The following ZRANB3 variants were observed in gnomAD, a reference collection of about 807,000 sequenced individuals.
ZRANB3 encodes DNA annealing helicase and endonuclease ZRANB3.
Under a neutral mutation model 133.8 loss-of-function variants are expected in ZRANB3, and 125 were observed. That is an observed-to-expected ratio of 0.93 (90% CI 0.81 to 1.08). The LOEUF (loss-of-function observed/expected upper bound fraction) is 1.08, where lower values mean the gene tolerates loss of function less well. ZRANB3 is among the 50% of genes least tolerant of loss of function. The pLI is 0.00. For synonymous variants in ZRANB3, 387 were observed against 432.7 expected (o/e 0.89, Z 1.31); for missense variants, 1,229 against 1,275.5 (o/e 0.96, Z 0.56).
chr2:135,512,948 A>G (rs187213209), intron 1 of ZRANB3, among the ~76,000 whole-genome samples: 1 of 152,298 alleles, frequency 6.6e-6, no homozygotes, highest in Non-Finnish European at 1.5e-5. Flanking sequence ...TGATTTCAAG[A>G]ATACAATAAA....
At chr2:135,395,118 T>C (rs1167057305) in intron 2 of ZRANB3, among the ~76,000 whole-genome samples, 1 of 152,076 alleles carries the variant, frequency 6.6e-6, no homozygotes. Flanking sequence ...ACAGAGCTAT[T>C]GTTACCAGCA....
At chr2:135,386,377 C>T (rs1169705421) in intron 3 of ZRANB3, among the ~76,000 whole-genome samples, 1 of 152,194 alleles carries the variant, frequency 6.6e-6, no homozygotes, top group Non-Finnish European at 1.5e-5. Context: ...AATAGGAATG[C>T]TTTAACACTG....
At chr2:135,419,772 T>A (rs553267866) in intron 2 of ZRANB3, among the ~76,000 whole-genome samples, 1 of 151,524 alleles carries the variant, frequency 6.6e-6, no homozygotes, top group African/African-American at 2.4e-5. Context: ...ATAGGCAGTG[T>A]ACCCAGAATA....
intron 2 of ZRANB3, among the ~76,000 whole-genome samples, chr2:135,475,584 C>T (rs1363156932): frequency 6.6e-6 from 1 of 152,248 alleles, no homozygotes; most frequent in Non-Finnish European, 1.5e-5. Context: ...TTGGCTAAAG[C>T]TCATGCTTCT....
intron 12 of ZRANB3, among the ~76,000 whole-genome samples, chr2:135,236,726 G>A (rs1558852321): frequency 6.6e-6 from 1 of 152,138 alleles, no homozygotes; most frequent in African/African-American, 2.4e-5. Flanking sequence ...TGGGAAAACT[G>A]GCTAGCCATA....
chr2:135,292,399 G>C (rs888906565), intron 8 of ZRANB3, among the ~76,000 whole-genome samples: 9 of 152,126 alleles, frequency 5.9e-5, no homozygotes, highest in African/African-American at 2.2e-4. Flanking sequence ...GTCTTCTTTT[G>C]AGAAGTGTCT....
intron 2 of ZRANB3, among the ~76,000 whole-genome samples, chr2:135,408,739 A>G (rs965046153): frequency 2.0e-5 from 3 of 151,698 alleles, no homozygotes; most frequent in South Asian, 2.1e-4. Context: ...AAAACTGAAC[A>G]CTGCATGTTC....
At position 135,369,844 on chromosome 2, in the gene ZRANB3, C is replaced by A. The variant is rs1040089193; in HGVS notation, c.181-16216G>T. 2.6e-5 allele frequency among the ~76,000 whole-genome samples: 4 copies of A among 152,054 alleles called. No homozygotes were observed. In the South Asian group the frequency reaches 8.3e-4, roughly 31 times the overall value. On this transcript the variant is annotated intron_variant, in intron 3 of 20. Coordinates refer to ENST00000264159, the MANE Select transcript of ZRANB3 (RefSeq NM_032143.4). Reference sequence around the variant, plus strand: ...CTTATTTCTTTTACAAGACCCACTTCCAATCTACCTCCTCCACAAACCCTT... The same window carrying A: ...CTTATTTCTTTTACAAGACCCACTTACAATCTACCTCCTCCACAAACCCTT...
At chr2:135,483,663 G>T (rs1391696664) in intron 2 of ZRANB3, among the ~76,000 whole-genome samples, 1 of 152,010 alleles carries the variant, frequency 6.6e-6, no homozygotes, top group Non-Finnish European at 1.5e-5. Flanking sequence ...GCTTTTGAAT[G>T]TGTTTGCTCT....
chr2:135,311,320 C>G (rs7572152), intron 8 of ZRANB3, among the ~76,000 whole-genome samples: 28,909 of 151,966 alleles, frequency 0.19, 3,682 homozygotes, highest in African/African-American at 0.34. Flanking sequence ...ACCTAGTGCT[C>G]ACAAAGATAT....
At chr2:135,460,690 G>A (rs1021284657) in intron 2 of ZRANB3, among the ~76,000 whole-genome samples, 1 of 152,122 alleles carries the variant, frequency 6.6e-6, no homozygotes, top group Non-Finnish European at 1.5e-5. Context: ...TTAGTTCCAT[G>A]AATCTTTAGT....
At chr2:135,268,853 T>C (rs1680372117) in intron 11 of ZRANB3, 109 bp downstream of exon 11, 2 of 1,016,972 alleles carry the variant, frequency 2.0e-6, no homozygotes, top group East Asian at 2.5e-5. Flanking sequence ...ATTATCTTGA[T>C]GTGCTTAAGT....
At chr2:135,412,812 T>C in intron 2 of ZRANB3, among the ~76,000 whole-genome samples, 1 of 152,132 alleles carries the variant, frequency 6.6e-6, no homozygotes, top group East Asian at 1.9e-4. Flanking sequence ...GGAATCAGAC[T>C]AATGAAGCAT....
At chr2:135,421,033 A>G (rs1313501953) in intron 2 of ZRANB3, among the ~76,000 whole-genome samples, 3 of 152,158 alleles carry the variant, frequency 2.0e-5, no homozygotes, top group East Asian at 1.9e-4. Context: ...ACTGGAGTCT[A>G]TATGTATTGA....
chr2:135,317,509 G>A lies in ZRANB3; in HGVS notation c.678-1979C>T, dbSNP rs1170910909. The stretch of plus-strand genomic sequence containing the variant: ...GTACAGGTGTGCAGTATGCTAGCTG[G>A]AGGCCTTTTGGTATGACTGCTACAT... On this transcript the variant is annotated intron_variant, in intron 6 of 20. Transcript: ENST00000264159. Among the ~76,000 whole-genome samples the A allele has an allele frequency of 2.0e-5, 3 of 152,302 alleles. No homozygotes were observed. In the East Asian group the frequency reaches 5.8e-4, roughly 29 times the overall value.
At chr2:135,464,955 A>G (rs150787783) in intron 2 of ZRANB3, among the ~76,000 whole-genome samples, 21 of 152,352 alleles carry the variant, frequency 1.4e-4, no homozygotes, top group Non-Finnish European at 2.4e-4. Flanking sequence ...AGGATGAACT[A>G]AAAAATAGCC....
chr2:135,252,758 A>G (rs772866225), intron 12 of ZRANB3, among the ~76,000 whole-genome samples: 30 of 152,044 alleles, frequency 2.0e-4, no homozygotes, highest in Admixed American at 3.3e-4. Context: ...CTGCATGGAA[A>G]TCTCCAGTTT....
At chr2:135,356,174 A>C (rs1685424881) in intron 3 of ZRANB3, among the ~76,000 whole-genome samples, 1 of 152,154 alleles carries the variant, frequency 6.6e-6, no homozygotes, top group African/African-American at 2.4e-5. Flanking sequence ...TAAAAAAAAA[A>C]AAATTTCAGT....
chr2:135,466,913 C>T (rs1368673286), intron 2 of ZRANB3, among the ~76,000 whole-genome samples: 1 of 152,068 alleles, frequency 6.6e-6, no homozygotes, highest in Non-Finnish European at 1.5e-5. Context: ...CCTCCAATGG[C>T]CTCCCATAGT....
Sources: allele counts gnomAD v4.1 joint callset (sites outside exome capture counted in the v4.1 genomes callset), GRCh38; gene constraint gnomAD v4.1.1; transcripts MANE v1.5; gene names NCBI Gene and HGNC (gene_info 2026-07-23, HGNC 2026-07-21).